ADGRL2: variants seen among roughly 807,000 people sequenced by gnomAD.
The protein encoded by ADGRL2 is adhesion G protein-coupled receptor L2, also known as calcium-independent alpha-latrotoxin receptor 2.
In ADGRL2, 44 loss-of-function variants were observed where a neutral mutation model predicts 157.4. The ratio of observed to expected loss-of-function variants is 0.28; its 90% CI spans 0.22 to 0.36. ADGRL2 has a LOEUF of 0.36. ADGRL2 is among the 10% of genes least tolerant of loss of function. The pLI is 1.00. For missense variants in ADGRL2, 1,510 were observed against 1,768.9 expected, an observed-to-expected ratio of 0.85 and a Z score of 2.63; for synonymous variants, 585 against 624.7, an observed-to-expected ratio of 0.94 and a Z score of 0.95.
At chr1:81,645,684 G>T (rs1284356941) in intron 3 of ADGRL2, among the ~76,000 whole-genome samples, 3 of 151,998 alleles carry the variant, frequency 2.0e-5, no homozygotes, top group Non-Finnish European at 4.4e-5. Flanking sequence ...TATATTGATT[G>T]TCCTTATTCT....
chr1:81,325,079 T>C (rs548557899), intron 1 of ADGRL2, among the ~76,000 whole-genome samples: 1 of 152,224 alleles, frequency 6.6e-6, no homozygotes, highest in South Asian at 2.1e-4. Flanking sequence ...AGAAACCAGA[T>C]AGACTATTTT....
intron 2 of ADGRL2, among the ~76,000 whole-genome samples, chr1:81,524,946 G>C (rs903037085): frequency 2.0e-5 from 3 of 152,052 alleles, no homozygotes; most frequent in African/African-American, 7.2e-5. Flanking sequence ...CATTTGTATA[G>C]AATATCTTTG....
rs80242544 is a variant in ADGRL2, at chr1:81,593,200, G to A, written c.-143+12220G>A. On this transcript the variant is annotated intron_variant, in intron 3 of 24. Transcript: ENST00000370721. ...GAACAGAATGGAATGACAGTTTGGG[G>A]AGCAATTACAAGAAATATGTGCAGT... 9.1e-3 allele frequency among the ~76,000 whole-genome samples: 1,381 copies of A among 152,218 alleles called. 21 individuals are homozygous for A. The highest frequency in any genetic ancestry group is 0.031 in the African/African-American group (1,277 of 41,522).
At chr1:81,840,952 A>G (rs1342837615) in intron 2 of ADGRL2, among the ~76,000 whole-genome samples, 1 of 152,140 alleles carries the variant, frequency 6.6e-6, no homozygotes, top group Non-Finnish European at 1.5e-5. Flanking sequence ...ATCATGTATC[A>G]GTAAGTAGAA....
intron 2 of ADGRL2, among the ~76,000 whole-genome samples, chr1:81,872,935 T>C (rs1021711450): frequency 6.6e-6 from 1 of 152,146 alleles, no homozygotes; most frequent in Non-Finnish European, 1.5e-5. Flanking sequence ...TCTTACTGGC[T>C]TATTTTTTTC....
chr1:81,549,988 T>A (rs1230107464), intron 2 of ADGRL2, among the ~76,000 whole-genome samples: 1 of 152,196 alleles, frequency 6.6e-6, no homozygotes, highest in Non-Finnish European at 1.5e-5. Flanking sequence ...AAGGATTTGA[T>A]AAATGAGCCC....
At chr1:81,558,147 T>C (rs960285570) in intron 2 of ADGRL2, among the ~76,000 whole-genome samples, 1 of 152,148 alleles carries the variant, frequency 6.6e-6, no homozygotes, top group African/African-American at 2.4e-5. Flanking sequence ...AAATGAACGA[T>C]GTCTTCCATG....
chr1:81,979,300 G>A (rs1433211275), intron 17 of ADGRL2, among the ~76,000 whole-genome samples: 3 of 151,778 alleles, frequency 2.0e-5, no homozygotes, highest in African/African-American at 4.8e-5. Flanking sequence ...AAAGACTGAT[G>A]ATGGCTTTTA....
chr1:81,442,429 A>G (rs1351286824), intron 1 of ADGRL2, among the ~76,000 whole-genome samples: 2 of 152,218 alleles, frequency 1.3e-5, no homozygotes, highest in Non-Finnish European at 2.9e-5. Flanking sequence ...AATTACATCT[A>G]TTACCTAATC....
At chr1:81,336,832 A>C (rs1326154604) in intron 1 of ADGRL2, among the ~76,000 whole-genome samples, 2 of 152,030 alleles carry the variant, frequency 1.3e-5, no homozygotes, top group South Asian at 2.1e-4. Flanking sequence ...CCGTTTTCCC[A>C]CTCGAATGTT....
intron 3 of ADGRL2, among the ~76,000 whole-genome samples, chr1:81,915,219 G>A (rs2094827687): frequency 6.6e-6 from 1 of 151,928 alleles, no homozygotes; most frequent in Non-Finnish European, 1.5e-5. Context: ...GGTACTACAG[G>A]TGCATGCCAC....
chr1:81,680,887 T>A (rs1045180167), intron 3 of ADGRL2, among the ~76,000 whole-genome samples: 2 of 152,124 alleles, frequency 1.3e-5, no homozygotes, highest in Admixed American at 6.5e-5. Context: ...TGAAAAGGAA[T>A]TTTTTTCAAG....
intron 1 of ADGRL2, among the ~76,000 whole-genome samples, chr1:81,809,558 G>T (rs1274419889): frequency 6.6e-6 from 1 of 151,900 alleles, no homozygotes; most frequent in African/African-American, 2.4e-5. Flanking sequence ...ATACAATCCT[G>T]TCTTTTTTTC....
intron 1 of ADGRL2, among the ~76,000 whole-genome samples, chr1:81,815,237 A>C (rs1162984630): frequency 6.6e-6 from 1 of 151,828 alleles, no homozygotes; most frequent in African/African-American, 2.4e-5. Context: ...TTGACCAAAT[A>C]TAAGTCAAAG....
At chr1:81,573,467 C>T (rs976544644) in intron 2 of ADGRL2, among the ~76,000 whole-genome samples, 10 of 152,096 alleles carry the variant, frequency 6.6e-5, no homozygotes, top group African/African-American at 2.4e-4. Flanking sequence ...TGTCTATGAT[C>T]ACCAAAGATT....
chr1:81,347,296 G>C (rs1326710299), intron 1 of ADGRL2, among the ~76,000 whole-genome samples: 1 of 152,112 alleles, frequency 6.6e-6, no homozygotes, highest in Non-Finnish European at 1.5e-5. Context: ...AGCTACTCAG[G>C]AGGCTGAGGC....
intron 6 of ADGRL2, among the ~76,000 whole-genome samples, chr1:81,944,788 A>C (rs904906611): frequency 1.3e-5 from 2 of 152,038 alleles, no homozygotes; most frequent in South Asian, 4.1e-4. Flanking sequence ...CTCTTAAAGC[A>C]ATGCAAGTAC....
At chr1:81,691,880 G>GATATATATATATA (rs2083343700) in intron 3 of ADGRL2, among the ~76,000 whole-genome samples, 1 of 119,880 alleles carries the variant, frequency 8.3e-6, no homozygotes, top group Non-Finnish European at 1.8e-5. Flanking sequence ...GTGTGTGTGT[G>GATATATATATATA]TATATATATA....
In ADGRL2 at chr1:81,750,294, T is replaced by C. The variant is rs370624450; in HGVS notation, c.-142-11517T>C. On this transcript the variant is annotated intron_variant, in intron 1 of 20. Transcript: ENST00000359929. ...AAATAGGCTGAGCAGAGCATCTGAA[T>C]GGGAAGGGTCAGATGCCTAACAGCA... Among the ~76,000 whole-genome samples the C allele has an allele frequency of 2.3e-4, 35 of 152,282 alleles. No homozygotes were observed. In the South Asian group the frequency reaches 7.2e-3, roughly 32 times the overall value.
Sources: gnomAD v4.1 joint callset for allele counts (sites outside exome capture counted in the v4.1 genomes callset) on GRCh38, gnomAD v4.1.1 for gene constraint, MANE v1.5 for transcripts, NCBI Gene and HGNC (gene_info 2026-07-23, HGNC 2026-07-21) for gene names.